Variants in GRHL2 observed in about 807,000 individuals in gnomAD.
GRHL2 encodes grainyhead like transcription factor 2.
GRHL2 carries 21 observed loss-of-function variants against 83.8 expected under a neutral mutation model. The observed-to-expected ratio is 0.25, with a 90% CI of 0.18 to 0.36. The LOEUF (loss-of-function observed/expected upper bound fraction) is 0.36, where lower values mean the gene tolerates loss of function less well. Among genes scored for constraint, GRHL2 ranks in the 10% least tolerant of loss-of-function variants. The pLI is 1.00. For missense variants in GRHL2, 623 were observed against 781.8 expected, an observed-to-expected ratio of 0.80 and a Z score of 2.42; for synonymous variants, 280 against 278.9, an observed-to-expected ratio of 1.00 and a Z score of -0.04.
At chr8:101,631,835 C>T (rs1294924809) in intron 10 of GRHL2, 111 bp downstream of exon 10, 1 of 875,734 alleles carries the variant, frequency 1.1e-6, no homozygotes, top group Non-Finnish European at 1.9e-6. Context: ...ACATGCAAGG[C>T]ATGGTTTGCT....
chr8:101,508,828 A>G (rs1263823798), intron 1 of GRHL2, among the ~76,000 whole-genome samples: 3 of 152,208 alleles, frequency 2.0e-5, no homozygotes, highest in Non-Finnish European at 4.4e-5. Flanking sequence ...CTAAATGCAG[A>G]GACCCCAAAG....
At chr8:101,611,352 G>T (rs947669642) in intron 8 of GRHL2, among the ~76,000 whole-genome samples, 1 of 150,738 alleles carries the variant, frequency 6.6e-6, no homozygotes, top group African/African-American at 2.5e-5. Flanking sequence ...CTTGTGAGTT[G>T]ATCTCCTTTA....
At chr8:101,545,891 TTTTTTTTTTG>T (rs1811253939) in intron 2 of GRHL2, among the ~76,000 whole-genome samples, 1 of 133,270 alleles carries the variant, frequency 7.5e-6, no homozygotes, top group African/African-American at 3.0e-5. Context: ...TTTTTTTTTT[TTTTTTTTTTG>T]AGATGGAGTC....
At chr8:101,559,034 G>C (rs1005868112) in intron 4 of GRHL2, among the ~76,000 whole-genome samples, 3 of 151,942 alleles carry the variant, frequency 2.0e-5, no homozygotes, top group African/African-American at 7.3e-5. Context: ...TATTTTTCTT[G>C]GTTCTTAGAT....
intron 8 of GRHL2, among the ~76,000 whole-genome samples, chr8:101,601,666 A>AT (rs1163556507): frequency 2.0e-5 from 3 of 152,188 alleles, no homozygotes; most frequent in Admixed American, 2.0e-4. Context: ...ATATTGCAAA[A>AT]TTTTTTTAAC....
intron 4 of GRHL2, among the ~76,000 whole-genome samples, chr8:101,568,499 G>T (rs1228037290): frequency 6.6e-6 from 1 of 152,072 alleles, no homozygotes; most frequent in Non-Finnish European, 1.5e-5. Flanking sequence ...TCCTGGTAAT[G>T]CCCAGTCCAT....
At chr8:101,505,163 T>TCTCCCACTCCCAACTGGCCCTCCC (rs1157545677) in intron 1 of GRHL2, among the ~76,000 whole-genome samples, 2 of 152,160 alleles carry the variant, frequency 1.3e-5, no homozygotes, top group Admixed American at 1.3e-4. Context: ...TTGCCCCTTC[T>TCTCCCACTCCCAACTGGCCCTCCC]CTCCCACTCC....
intron 14 of GRHL2, among the ~76,000 whole-genome samples, chr8:101,662,414 C>T (rs906740318): frequency 7.9e-5 from 12 of 152,164 alleles, no homozygotes; most frequent in South Asian, 2.1e-4. Context: ...GAGTTCTTCC[C>T]GTGGGGTGAG....
At chr8:101,615,920 A>T (rs1812845068) in intron 8 of GRHL2, among the ~76,000 whole-genome samples, 1 of 152,164 alleles carries the variant, frequency 6.6e-6, no homozygotes, top group African/African-American at 2.4e-5. Flanking sequence ...TTCTCCAGGG[A>T]CAGCAGACAG....
At chr8:101,580,703 T>A (rs906556594) in intron 7 of GRHL2, among the ~76,000 whole-genome samples, 4 of 152,080 alleles carry the variant, frequency 2.6e-5, no homozygotes, top group African/African-American at 7.2e-5. Flanking sequence ...TATTTTATTT[T>A]ATTTATTTAT....
At chr8:101,550,698 A>G (rs780079928) in intron 2 of GRHL2, among the ~76,000 whole-genome samples, 1 of 152,226 alleles carries the variant, frequency 6.6e-6, no homozygotes, top group Admixed American at 6.5e-5. Context: ...CATCGCCACC[A>G]TCTATCTCCA....
chr8:101,561,707 G>T (rs1466865533), intron 4 of GRHL2, among the ~76,000 whole-genome samples: 1 of 152,120 alleles, frequency 6.6e-6, no homozygotes, highest in Non-Finnish European at 1.5e-5. Context: ...TTGTACAAAT[G>T]CTGTCTAGTG....
rs574922067 is a variant in GRHL2, at chr8:101,635,537, C to T, written c.1486-1360C>T. On this transcript the variant is annotated intron_variant, in intron 11 of 15. Coordinates refer to ENST00000646743, the MANE Select transcript of GRHL2 (RefSeq NM_024915.4). The stretch of plus-strand genomic sequence containing the variant: ...CATGTTTAAAGAAAGCAGCAAAACA[C>T]AAGCCAACATGGGGAACTTTATCAA... 1.7e-4 allele frequency among the ~76,000 whole-genome samples: 26 copies of T among 152,290 alleles called. No homozygotes were observed. The South Asian group carries it at 5.4e-3, about 32-fold the overall frequency.
At chr8:101,496,420 G>A (rs1371119802) in intron 1 of GRHL2, among the ~76,000 whole-genome samples, 2 of 151,992 alleles carry the variant, frequency 1.3e-5, no homozygotes, top group African/African-American at 2.4e-5. Flanking sequence ...GGTTAGAAAC[G>A]TCAAGAATTT....
rs570204044 is a variant in GRHL2 at position 101,642,115 on chromosome 8, G to A, written c.1518-2016G>A. 7.9e-5 allele frequency among the ~76,000 whole-genome samples: 12 copies of A among 152,216 alleles called. No individual in the cohort carries two copies. The South Asian group carries it at 2.5e-3, about 32-fold the overall frequency. ...CTGGGCATCAGGAGACCTGAAATTT[G>A]CTTTCTACATCTGTCAAATGGGGCA... On this transcript the variant is annotated intron_variant, in intron 12 of 15. Transcript: ENST00000646743.
chr8:101,512,261 A>G (rs1257609240), intron 1 of GRHL2, among the ~76,000 whole-genome samples: 1 of 152,146 alleles, frequency 6.6e-6, no homozygotes, highest in Non-Finnish European at 1.5e-5. Flanking sequence ...TAACTTTAGT[A>G]TAGAGTTGAT....
chr8:101,604,860 A>G (rs1027467949), intron 8 of GRHL2, among the ~76,000 whole-genome samples: 1 of 152,180 alleles, frequency 6.6e-6, no homozygotes, highest in African/African-American at 2.4e-5. Flanking sequence ...TTATAATTCA[A>G]TAATATGAAA....
intron 8 of GRHL2, among the ~76,000 whole-genome samples, chr8:101,618,982 G>T (rs927081397): frequency 6.6e-6 from 1 of 152,108 alleles, no homozygotes; most frequent in Non-Finnish European, 1.5e-5. Flanking sequence ...GGCCAGGCAC[G>T]GTGGCTCACG....
chr8:101,545,424 A>G (rs940343328), intron 2 of GRHL2, among the ~76,000 whole-genome samples: 2 of 125,176 alleles, frequency 1.6e-5, no homozygotes, highest in African/African-American at 6.1e-5. Flanking sequence ...TATTTTCTCT[A>G]CAGTGAAGGG....
Sources: allele counts gnomAD v4.1 joint callset (sites outside exome capture counted in the v4.1 genomes callset), GRCh38; gene constraint gnomAD v4.1.1; transcripts MANE v1.5; gene names NCBI Gene and HGNC (gene_info 2026-07-23, HGNC 2026-07-21).